Variants in IPO11 observed in about 807,000 individuals in gnomAD.
IPO11 encodes the protein importin-11.
Under a neutral mutation model 143.2 loss-of-function variants are expected in IPO11, and 66 were observed. The observed-to-expected ratio is 0.46, with a 90% CI of 0.38 to 0.57. IPO11 has a LOEUF of 0.57. IPO11 is among the 20% of genes least tolerant of loss of function. The pLI is 0.00. For synonymous variants in IPO11, 385 were observed against 377.8 expected (o/e 1.02, Z -0.22); for missense variants, 1,026 against 1,141.0 (o/e 0.90, Z 1.45).
At chr5:62,497,787 T>G (rs1741206845) in intron 16 of IPO11, among the ~76,000 whole-genome samples, 1 of 152,328 alleles carries the variant, frequency 6.6e-6, no homozygotes, top group East Asian at 1.9e-4. Context: ...TTTTCTTCAC[T>G]CTTGGTTTTT....
intron 26 of IPO11, 27 bp from the exon 27 acceptor site, chr5:62,561,109 T>C: frequency 6.3e-7 from 1 of 1,583,950 alleles, no homozygotes; most frequent in Non-Finnish European, 8.6e-7. Context: ...TTTAGGTATT[T>C]TGAGATGCCT....
chr5:62,559,488 A>G (rs1743692619), intron 26 of IPO11, among the ~76,000 whole-genome samples: 2 of 152,120 alleles, frequency 1.3e-5, no homozygotes, highest in African/African-American at 4.8e-5. Context: ...TATTAAGTTT[A>G]TGTAATATTC....
intron 3 of IPO11, chr5:62,443,382 A>T (rs867012889): frequency 6.3e-5 from 10 of 159,432 alleles, no homozygotes; most frequent in African/African-American, 1.8e-4. Context: ...TTTCCATTTG[A>T]GTGTGTGTGT....
At chr5:62,615,466 T>A (rs1263449744) in intron 29 of IPO11, among the ~76,000 whole-genome samples, 1 of 152,224 alleles carries the variant, frequency 6.6e-6, no homozygotes, top group Non-Finnish European at 1.5e-5. Flanking sequence ...GCCAAAATAG[T>A]AGATGGCTTA....
At chr5:62,419,998 T>TA (rs1351684753) in intron 1 of IPO11, among the ~76,000 whole-genome samples, 4 of 151,792 alleles carry the variant, frequency 2.6e-5, no homozygotes, top group Non-Finnish European at 5.9e-5. Flanking sequence ...TCGTAACTCT[T>TA]AAAAAAAGTA....
chr5:62,476,577 C>CAA, intron 8 of IPO11, 106 bp from the exon 9 acceptor site: 1 of 1,216,324 alleles, frequency 8.2e-7, no homozygotes, highest in East Asian at 2.9e-5. Context: ...ATTCATAATG[C>CAA]AAAATATGCA....
chr5:62,480,043 G>T (rs1445606366), intron 9 of IPO11, among the ~76,000 whole-genome samples: 1 of 152,072 alleles, frequency 6.6e-6, no homozygotes, highest in Non-Finnish European at 1.5e-5. Context: ...GTACTGCCTA[G>T]GTTTTCTTCT....
intron 24 of IPO11, among the ~76,000 whole-genome samples, chr5:62,543,723 G>T (rs1205532104): frequency 6.6e-6 from 1 of 152,038 alleles, no homozygotes; most frequent in African/African-American, 2.4e-5. Flanking sequence ...CTTGCCTTCT[G>T]CTAGCTTTTG....
intron 29 of IPO11, among the ~76,000 whole-genome samples, chr5:62,618,437 A>G (rs549090521): frequency 1.3e-5 from 2 of 152,304 alleles, no homozygotes; most frequent in African/African-American, 4.8e-5. Context: ...CAGCCTTAGA[A>G]AAATAGAAGA....
intron 27 of IPO11, chr5:62,580,489 T>A: frequency 6.4e-7 from 1 of 1,551,466 alleles, no homozygotes; most frequent in Non-Finnish European, 8.7e-7. Flanking sequence ...GTTGTCTTCA[T>A]TGATTCATCT....
At chr5:62,475,653 G>A (rs1385662067) in intron 8 of IPO11, among the ~76,000 whole-genome samples, 4 of 152,286 alleles carry the variant, frequency 2.6e-5, no homozygotes, top group South Asian at 2.1e-4. Flanking sequence ...TAGACTTCTT[G>A]TAGACTCTTT....
chr5:62,626,963 G>A (rs1746604742), intron 29 of IPO11, among the ~76,000 whole-genome samples, 191 bp from the exon 30 acceptor site: 1 of 152,188 alleles, frequency 6.6e-6, no homozygotes, highest in Non-Finnish European at 1.5e-5. Flanking sequence ...GGGAACTGAA[G>A]TTAAGACTAA....
At chr5:62,619,932 G>C (rs1416838042) in intron 29 of IPO11, among the ~76,000 whole-genome samples, 2 of 152,176 alleles carry the variant, frequency 1.3e-5, no homozygotes, top group East Asian at 3.9e-4. Flanking sequence ...TCTGTCTTCT[G>C]TAACAGACCT....
chr5:62,448,949 CTTTAA>C (rs567058812), intron 3 of IPO11, among the ~76,000 whole-genome samples: 6 of 152,202 alleles, frequency 3.9e-5, no homozygotes, highest in African/African-American at 1.4e-4. Context: ...TTGTTGTGTG[CTTTAA>C]TTTAATTTAA....
chr5:62,417,321 A>ATTTTTTTTTTTTTTTTTTT, intron 1 of IPO11, among the ~76,000 whole-genome samples: 1 of 65,330 alleles, frequency 1.5e-5, no homozygotes, highest in Non-Finnish European at 2.8e-5. Context: ...TTATTGGTTA[A>ATTTTTTTTTTTTTTTTTTT]TTTTTTTTTT....
intron 5 of IPO11, among the ~76,000 whole-genome samples, chr5:62,454,641 A>G (rs574997503): frequency 3.7e-4 from 57 of 152,294 alleles, no homozygotes; most frequent in Middle Eastern, 6.8e-3. Context: ...TCTTCTCCAT[A>G]TAGAAAGAAG....
intron 28 of IPO11, among the ~76,000 whole-genome samples, chr5:62,593,518 G>C (rs148666734): frequency 3.3e-4 from 50 of 152,234 alleles, no homozygotes; most frequent in African/African-American, 1.2e-3. Flanking sequence ...AAAAAGTGGA[G>C]TGACACAGCA....
intron 21 of IPO11, among the ~76,000 whole-genome samples, chr5:62,528,340 G>A (rs1214897320): frequency 6.6e-6 from 1 of 152,096 alleles, no homozygotes; most frequent in Non-Finnish European, 1.5e-5. Context: ...TCACCGGAGT[G>A]GTAAGAACAG....
At chr5:62,461,537 G>C (rs985702069) in intron 5 of IPO11, among the ~76,000 whole-genome samples, 1 of 152,232 alleles carries the variant, frequency 6.6e-6, no homozygotes, top group Non-Finnish European at 1.5e-5. Flanking sequence ...GAAAGATAGT[G>C]CCGTTGCTTC....
Sources: allele counts gnomAD v4.1 joint callset (sites outside exome capture counted in the v4.1 genomes callset), GRCh38; gene constraint gnomAD v4.1.1; transcripts MANE v1.5; gene names NCBI Gene and HGNC (gene_info 2026-07-23, HGNC 2026-07-21).